IGBP1C: variants seen among roughly 807,000 people sequenced by gnomAD.
IGBP1C encodes the protein IGBP1 family member C.
the IGBP1C span, among the ~76,000 whole-genome samples, chr17:58,667,682 C>T: frequency 6.6e-6 from 1 of 152,020 alleles, no homozygotes; most frequent in African/African-American, 2.4e-5. Flanking sequence ...GTCAGGAGTT[C>T]GAGACCAGCC....
At chr17:58,666,951 G>C in the IGBP1C span, among the ~76,000 whole-genome samples, 2 of 152,164 alleles carry the variant, frequency 1.3e-5, no homozygotes, top group Non-Finnish European at 2.9e-5. Flanking sequence ...TGGTCAGAGA[G>C]CGCAACTGCG....
chr17:58,690,278 C>A, the IGBP1C span, among the ~76,000 whole-genome samples: 1 of 150,680 alleles, frequency 6.6e-6, no homozygotes, highest in African/African-American at 2.4e-5. Flanking sequence ...TTGGTTCTCC[C>A]ACCTCAGCCT....
chr17:58,660,786 A>C, the IGBP1C span: 2 of 781,160 alleles, frequency 2.6e-6, no homozygotes, highest in Non-Finnish European at 4.8e-6. Context: ...TGATCATACC[A>C]GTCACTCACT....
chr17:58,684,064 T>A, the IGBP1C span, among the ~76,000 whole-genome samples: 2 of 151,660 alleles, frequency 1.3e-5, no homozygotes, highest in African/African-American at 4.8e-5. Context: ...AGGACCTACA[T>A]ATATAAAAGT....
the IGBP1C span, chr17:58,661,153 G>A: frequency 1.2e-6 from 1 of 822,756 alleles, no homozygotes; most frequent in Non-Finnish European, 2.2e-6. Context: ...TAGCAACGAG[G>A]CTAGGATAAG....
the IGBP1C span, among the ~76,000 whole-genome samples, chr17:58,690,750 C>T: frequency 1.3e-5 from 2 of 152,078 alleles, no homozygotes; most frequent in African/African-American, 4.8e-5. Context: ...TTTGACCTAC[C>T]AAATGGGGTA....
the IGBP1C span, among the ~76,000 whole-genome samples, chr17:58,678,818 TATAATA>T: frequency 0.044 from 6,044 of 137,276 alleles, 305 homozygotes; most frequent in African/African-American, 0.13. Context: ...GAACTTAAAG[TATAATA>T]ATAATAATAA....
the IGBP1C span, chr17:58,661,727 G>T: frequency 3.5e-6 from 2 of 573,352 alleles, no homozygotes; most frequent in Non-Finnish European, 6.1e-6. Context: ...AGGCGGTGGC[G>T]TTGGGGGCGG....
the IGBP1C span, among the ~76,000 whole-genome samples, chr17:58,662,427 A>T: frequency 6.6e-6 from 1 of 150,528 alleles, no homozygotes; most frequent in African/African-American, 2.4e-5. Flanking sequence ...ACACACACAC[A>T]CACACACACA....
chr17:58,660,611 G>C, the IGBP1C span: 1 of 792,356 alleles, frequency 1.3e-6, no homozygotes, highest in East Asian at 2.4e-5. Context: ...GTAGCCCCTA[G>C]GGTGGGTGTC....
the IGBP1C span, among the ~76,000 whole-genome samples, chr17:58,688,579 A>C: frequency 6.6e-6 from 1 of 152,162 alleles, no homozygotes; most frequent in Non-Finnish European, 1.5e-5. Flanking sequence ...TAAGTACTGT[A>C]TATGTGTTAA....
At chr17:58,678,937 T>G in the IGBP1C span, among the ~76,000 whole-genome samples, 1 of 151,658 alleles carries the variant, frequency 6.6e-6, no homozygotes, top group Non-Finnish European at 1.5e-5. Context: ...GTAAATCACC[T>G]GAGGTTAGGA....
the IGBP1C span, among the ~76,000 whole-genome samples, chr17:58,682,513 C>G: frequency 3.3e-5 from 5 of 152,282 alleles, no homozygotes; most frequent in Non-Finnish European, 1.5e-5. Flanking sequence ...CTGCCTCAAC[C>G]TCCCAAAGTA....
At chr17:58,665,734 A>G in the IGBP1C span, among the ~76,000 whole-genome samples, 1 of 151,636 alleles carries the variant, frequency 6.6e-6, no homozygotes, top group South Asian at 2.1e-4. Context: ...ATTCTTAAGA[A>G]CCAAAAGAAA....
chr17:58,665,000 C>A, the IGBP1C span, among the ~76,000 whole-genome samples: 4 of 151,930 alleles, frequency 2.6e-5, no homozygotes, highest in African/African-American at 9.7e-5. Context: ...CCAGGAAGAG[C>A]AGGCATGTAA....
the IGBP1C span, among the ~76,000 whole-genome samples, chr17:58,679,267 A>C: frequency 6.6e-6 from 1 of 152,204 alleles, no homozygotes. Context: ...GGCTACAAAC[A>C]AGGAAAATGT....
the IGBP1C span, among the ~76,000 whole-genome samples, chr17:58,684,014 G>A: frequency 2.6e-5 from 4 of 152,140 alleles, no homozygotes; most frequent in Non-Finnish European, 5.9e-5. Flanking sequence ...GCAGTGAGCC[G>A]AGATGGTGCC....
At chr17:58,682,899 TGAG>T in the IGBP1C span, among the ~76,000 whole-genome samples, 754 of 152,042 alleles carry the variant, frequency 5.0e-3, 4 homozygotes, top group African/African-American at 0.018. Context: ...TAATATCCTT[TGAG>T]AAGAGCCTCA....
the IGBP1C span, among the ~76,000 whole-genome samples, chr17:58,687,382 CTTT>C: frequency 6.6e-6 from 1 of 152,154 alleles, no homozygotes; most frequent in Admixed American, 6.6e-5. Flanking sequence ...CAAATATACT[CTTT>C]TGTCTCGTCT....
Sources: allele counts gnomAD v4.1 joint callset (sites outside exome capture counted in the v4.1 genomes callset), GRCh38; gene constraint gnomAD v4.1.1; transcripts MANE v1.5; gene names NCBI Gene and HGNC (gene_info 2026-07-23, HGNC 2026-07-21).